Variants in TCAIM observed in about 807,000 individuals in gnomAD.
TCAIM encodes the protein T cell activation inhibitor, mitochondrial.
TCAIM carries 36 observed loss-of-function variants against 58.6 expected under a neutral mutation model. The ratio of observed to expected loss-of-function variants is 0.61; its 90% CI spans 0.47 to 0.81. TCAIM has a LOEUF of 0.81. TCAIM is among the 30% of genes least tolerant of loss of function. The pLI, the probability that TCAIM is intolerant of heterozygous loss-of-function variation, is 0.00. For missense variants in TCAIM, 466 were observed against 579.6 expected (o/e 0.80, Z 2.01); for synonymous variants, 172 against 193.6 (o/e 0.89, Z 0.93).
intron 3 of TCAIM, chr3:44,359,014 T>C: frequency 1.0e-6 from 1 of 983,294 alleles, no homozygotes; most frequent in Non-Finnish European, 1.2e-6. Flanking sequence ...TTAATAAAGT[T>C]TTTAAATTCA....
chr3:44,343,996 T>A (rs1291396835), intron 1 of TCAIM, among the ~76,000 whole-genome samples: 2 of 151,662 alleles, frequency 1.3e-5, no homozygotes, highest in Non-Finnish European at 1.5e-5. Context: ...AAATTTTATT[T>A]TGCTTTGATT....
rs1408609667 is a variant in TCAIM at position 44,407,727 on chromosome 3, A to G, written c.*45A>G. The stretch of plus-strand genomic sequence containing the variant: ...TTTTTAAGAGATAAGAAAGGAACTT[A>G]AATTAAAAATATTTAAATCCACAAT... On this transcript the variant is annotated 3_prime_UTR_variant, in exon 11 of 11. Transcript: ENST00000342649. 6 of 1,497,920 alleles carry G rather than the reference A, an allele frequency of 4.0e-6. No individual in the cohort carries two copies. The highest frequency in any genetic ancestry group is 5.4e-6 in the Non-Finnish European group (6 of 1,120,894). The allele number at this position is 1,497,920 out of a possible 1,614,324, so 92.8% of individuals were successfully genotyped here.
intron 5 of TCAIM, among the ~76,000 whole-genome samples, chr3:44,379,728 G>T (rs1277059737): frequency 6.6e-6 from 1 of 152,082 alleles, no homozygotes; most frequent in Non-Finnish European, 1.5e-5. Context: ...ACTAGAGCGG[G>T]GAGGGAGAGA....
At chr3:44,346,852 G>A (rs539024803) in intron 1 of TCAIM, among the ~76,000 whole-genome samples, 30 of 152,282 alleles carry the variant, frequency 2.0e-4, no homozygotes, top group Non-Finnish European at 3.2e-4. Context: ...CCTGTACTTC[G>A]GCTGTGTGTA....
At chr3:44,382,363 C>A (rs1394299197) in intron 5 of TCAIM, among the ~76,000 whole-genome samples, 5 of 152,042 alleles carry the variant, frequency 3.3e-5, no homozygotes. Context: ...GCCCAGGCAC[C>A]GTAGTGAGAC....
At chr3:44,339,196 A>G (rs191888968) in intron 1 of TCAIM, among the ~76,000 whole-genome samples, 6 of 151,980 alleles carry the variant, frequency 3.9e-5, no homozygotes, top group Non-Finnish European at 5.9e-5. Flanking sequence ...TTTTTCCCCT[A>G]CTCTAAGAAG....
chr3:44,341,416 G>A (rs956154741), intron 1 of TCAIM: 1 of 152,026 alleles, frequency 6.6e-6, no homozygotes. Context: ...AATGGTAAAA[G>A]TAAACAACTA....
intron 5 of TCAIM, among the ~76,000 whole-genome samples, chr3:44,372,869 C>G (rs1701503301): frequency 6.6e-6 from 1 of 152,158 alleles, no homozygotes; most frequent in South Asian, 2.1e-4. Context: ...ACTGGGATTA[C>G]AGGTGTGAGC....
At chr3:44,396,963 C>A (rs184176478) in intron 8 of TCAIM, 129 bp downstream of exon 8, 183 of 796,002 alleles carry the variant, frequency 2.3e-4, no homozygotes, top group African/African-American at 1.7e-3. Context: ...TGTTTTTAAT[C>A]GCAGTATCAG....
chr3:44,389,615 A>G (rs1196816818), intron 5 of TCAIM, among the ~76,000 whole-genome samples: 1 of 152,200 alleles, frequency 6.6e-6, no homozygotes, highest in Non-Finnish European at 1.5e-5. Context: ...TGCCATATCC[A>G]ATAGTAGTGA....
intron 9 of TCAIM, 70 bp from the exon 10 acceptor site, chr3:44,401,133 T>G (rs1222864557): frequency 1.3e-6 from 2 of 1,559,196 alleles, no homozygotes; most frequent in Non-Finnish European, 1.7e-6. Context: ...TGAAGACTAA[T>G]AAAATATTTT....
At chr3:44,402,024 AAAAG>A (rs1702028966) in intron 10 of TCAIM, among the ~76,000 whole-genome samples, 1 of 152,126 alleles carries the variant, frequency 6.6e-6, no homozygotes, top group Admixed American at 6.5e-5. Flanking sequence ...AAGAGTGAGA[AAAAG>A]AAAAAAAATA....
chr3:44,406,710 C>T (rs866121757), intron 10 of TCAIM, among the ~76,000 whole-genome samples: 2 of 152,164 alleles, frequency 1.3e-5, no homozygotes, highest in Non-Finnish European at 2.9e-5. Context: ...TTCAGGGACA[C>T]GACCATGGCA....
Position 44,357,794 on chromosome 3 carries a change from C to T in TCAIM, c.83C>T (p.Ser28Leu), listed in dbSNP as rs1013815281. 18 of 1,613,974 alleles carry T rather than the reference C, an allele frequency of 1.1e-5. No individual in the cohort carries two copies. The Admixed American group carries it at 1.5e-4, about 13-fold the overall frequency. Reference sequence around the variant, plus strand: ...TGGTTTCCCTTTTCAAGAGCTTTATCGGGAGCTGAAGCAGTCAATGCCTTG... The same window carrying T: ...TGGTTTCCCTTTTCAAGAGCTTTATTGGGAGCTGAAGCAGTCAATGCCTTG... Reference protein sequence around the residue: ...PHWFPFSRALSGAEAVNALRP... With the variant: ...PHWFPFSRALLGAEAVNALRP... Residue 28 changes from serine (S) to leucine (L), a missense_variant, in exon 3 of 11, where the codon TCG becomes TTG. By Grantham distance (145) the Ser-to-Leu change is moderately radical. Coordinates refer to ENST00000342649, the MANE Select transcript of TCAIM (RefSeq NM_173826.4).
chr3:44,359,587 TC>T (rs1701262440), intron 3 of TCAIM: 1 of 152,202 alleles, frequency 6.6e-6, no homozygotes, highest in Non-Finnish European at 1.5e-5. Context: ...ACTCTGGACA[TC>T]CAGACTTGGA....
At chr3:44,343,021 C>T (rs998009460) in intron 1 of TCAIM, among the ~76,000 whole-genome samples, 5 of 151,872 alleles carry the variant, frequency 3.3e-5, no homozygotes, top group African/African-American at 1.2e-4. Flanking sequence ...ACTGTAATCC[C>T]AGCTACTCGG....
At chr3:44,338,579 G>C (rs937938255), upstream of TCAIM, 2 of 152,620 alleles carry the variant, frequency 1.3e-5, no homozygotes, top group African/African-American at 4.8e-5. Flanking sequence ...GAGCCGGGAG[G>C]GCCCAGCTGA....
chr3:44,388,770 A>G (rs751324645), intron 5 of TCAIM, among the ~76,000 whole-genome samples: 8 of 152,060 alleles, frequency 5.3e-5, no homozygotes, highest in East Asian at 1.9e-4. Context: ...TGAAGTGCCT[A>G]TGTCCCCATC....
At chr3:44,366,832 G>C (rs1701385799) in intron 4 of TCAIM, among the ~76,000 whole-genome samples, 1 of 151,918 alleles carries the variant, frequency 6.6e-6, no homozygotes, top group Non-Finnish European at 1.5e-5. Flanking sequence ...AAACTCCTGA[G>C]TTCATAATCC....
Sources: allele counts gnomAD v4.1 joint callset (sites outside exome capture counted in the v4.1 genomes callset), GRCh38; gene constraint gnomAD v4.1.1; transcripts MANE v1.5; gene names NCBI Gene and HGNC (gene_info 2026-07-23, HGNC 2026-07-21).